Variants in ARPC1A observed in about 807,000 individuals in gnomAD.
ARPC1A encodes actin-related protein 2/3 complex subunit 1A.
Under a neutral mutation model 46.9 loss-of-function variants are expected in ARPC1A, and 8 were observed. The observed-to-expected ratio is 0.17, with a 90% CI of 0.10 to 0.31. The LOEUF (loss-of-function observed/expected upper bound fraction) is 0.31, where lower values mean the gene tolerates loss of function less well. ARPC1A is among the 10% of genes least tolerant of loss of function. ARPC1A has a pLI of 1.00. For synonymous variants in ARPC1A, 152 were observed against 169.0 expected, an observed-to-expected ratio of 0.90 and a Z score of 0.78; for missense variants, 286 against 483.6, an observed-to-expected ratio of 0.59 and a Z score of 3.83.
chr7:99,356,256 T>C (rs1211475879), intron 6 of ARPC1A, among the ~76,000 whole-genome samples: 1 of 152,240 alleles, frequency 6.6e-6, no homozygotes, highest in Admixed American at 6.5e-5. Context: ...TGATATGTTT[T>C]TCCTAACAGG....
At chr7:99,331,026 C>A (rs1284012199) in intron 1 of ARPC1A, among the ~76,000 whole-genome samples, 1 of 152,222 alleles carries the variant, frequency 6.6e-6, no homozygotes, top group Non-Finnish European at 1.5e-5. Flanking sequence ...AGTATTATCA[C>A]AAACGCCTAC....
chr7:99,350,038 A>T (rs1793522612), intron 5 of ARPC1A, among the ~76,000 whole-genome samples: 1 of 152,148 alleles, frequency 6.6e-6, no homozygotes. Context: ...AAAACAAAAA[A>T]ATGGAAGCAG....
In ARPC1A at chr7:99,333,448, T is replaced by A. The variant is rs1260855604; in HGVS notation, c.64+31T>A. On this transcript the variant is annotated intron_variant, in intron 2 of 9. Transcript: ENST00000262942. ...TATTTTATTAACTTTGCTTTTGTAT[T>A]TTGGTACCTTTGGTACATTTCATCT... The A allele has an allele frequency of 2.6e-6, 4 of 1,567,432 alleles. No individual in the cohort carries two copies. The South Asian group carries it at 4.5e-5, about 18-fold the overall frequency.
intron 1 of ARPC1A, 142 bp from the exon 2 acceptor site, chr7:99,333,183 C>T (rs569076403): frequency 1.8e-4 from 110 of 621,550 alleles, no homozygotes; most frequent in African/African-American, 1.6e-3. Context: ...GCGTGAGCCA[C>T]CGTGCCTGGC....
intron 3 of ARPC1A, chr7:99,339,737 A>C (rs1170176008): frequency 3.9e-6 from 1 of 256,822 alleles, no homozygotes; most frequent in African/African-American, 2.2e-5. Flanking sequence ...TCCTTCCTCC[A>C]CTGAAGAACA....
chr7:99,365,758 G>C (rs1239485148), intron 9 of ARPC1A, 133 bp from the exon 10 acceptor site: 5 of 944,266 alleles, frequency 5.3e-6, no homozygotes, highest in Non-Finnish European at 8.0e-6. Flanking sequence ...GGGAGATCCT[G>C]TTTCAGGTGG....
intron 3 of ARPC1A, 146 bp from the exon 4 acceptor site, chr7:99,344,147 C>G: frequency 1.5e-6 from 1 of 686,782 alleles, no homozygotes; most frequent in Non-Finnish European, 2.5e-6. Context: ...AGGCGGTGAT[C>G]AGGACATAGA....
chr7:99,348,788 AT>A, intron 4 of ARPC1A, 63 bp from the exon 5 acceptor site: 1 of 1,331,152 alleles, frequency 7.5e-7, no homozygotes. Flanking sequence ...CCTGACATAC[AT>A]TTGTAGGTCA....
intron 8 of ARPC1A, among the ~76,000 whole-genome samples, chr7:99,361,700 C>T (rs1386131263): frequency 6.6e-6 from 1 of 152,154 alleles, no homozygotes. Flanking sequence ...ATGAAAAGAA[C>T]AAACCCTTGC....
chr7:99,344,258 C>G, intron 3 of ARPC1A, 35 bp from the exon 4 acceptor site: 2 of 1,603,458 alleles, frequency 1.2e-6, no homozygotes, highest in South Asian at 2.2e-5. Flanking sequence ...TTGTCATTGA[C>G]TGGGCAAAGC....
At chr7:99,363,953 AT>A (rs553977501) in intron 9 of ARPC1A, among the ~76,000 whole-genome samples, 7 of 150,820 alleles carry the variant, frequency 4.6e-5, no homozygotes, top group African/African-American at 7.3e-5. Flanking sequence ...GAAATCTCTC[AT>A]TTTTTTTTCT....
intron 5 of ARPC1A, among the ~76,000 whole-genome samples, chr7:99,349,851 A>T (rs932911440): frequency 6.6e-6 from 1 of 151,848 alleles, no homozygotes; most frequent in African/African-American, 2.4e-5. Flanking sequence ...AAATAAATAA[A>T]TAAATAAAAG....
At chr7:99,360,138 C>T (rs924447494) in intron 8 of ARPC1A, 2 of 211,548 alleles carry the variant, frequency 9.5e-6, no homozygotes, top group Non-Finnish European at 1.9e-5. Context: ...AGCGAAGTTA[C>T]AGCCTGTTGG....
chr7:99,331,862 T>C (rs1346137620), intron 1 of ARPC1A, among the ~76,000 whole-genome samples: 5 of 152,188 alleles, frequency 3.3e-5, no homozygotes, highest in Admixed American at 3.3e-4. Context: ...GAGGTTGCAG[T>C]GAGCTGAGAT....
chr7:99,357,387 C>T (rs1793654979), intron 6 of ARPC1A, among the ~76,000 whole-genome samples: 2 of 152,020 alleles, frequency 1.3e-5, no homozygotes, highest in Admixed American at 6.6e-5. Flanking sequence ...TAGAGAGACA[C>T]TCTCTGTCGC....
intron 5 of ARPC1A, 93 bp downstream of exon 5, chr7:99,349,052 T>C: frequency 1.5e-6 from 2 of 1,299,970 alleles, no homozygotes; most frequent in South Asian, 1.3e-5. Flanking sequence ...TTTTGTTTTG[T>C]TGTGGTTGTT....
intron 2 of ARPC1A, among the ~76,000 whole-genome samples, chr7:99,337,286 T>C (rs1793271833): frequency 6.6e-6 from 1 of 152,152 alleles, no homozygotes; most frequent in Non-Finnish European, 1.5e-5. Context: ...CTGGGCGTGG[T>C]GGCGCATGCC....
At chr7:99,360,442 C>T (rs954991977) in intron 8 of ARPC1A, among the ~76,000 whole-genome samples, 7 of 151,912 alleles carry the variant, frequency 4.6e-5, no homozygotes, top group African/African-American at 1.4e-4. Flanking sequence ...TCTCCTGCCT[C>T]AGCTTCCCAA....
Position 99,344,450 on chromosome 7 carries a change from C to A in ARPC1A, c.327C>A (p.Asn109Lys). Residue 109 changes from asparagine to lysine, a missense_variant, in exon 4 of 10, where the codon AAC (asparagine) becomes AAA (lysine). By Grantham distance (94) the Asn-to-Lys change is moderately conservative. This residue lies in a region of ARPC1A where 38 missense variants were observed against 95.8 expected (regional missense o/e 0.40). Coordinates refer to ENST00000262942, the MANE Select transcript of ARPC1A (RefSeq NM_006409.4). ...ATFVKWSPLE[N>K]KFAVGSGARL... is the part of the protein sequence containing the mutation. ...TTGTGAAGTGGTCCCCCCTAGAGAA[C>A]AAATTTGCTGTGGGAAGTGGAGCAC... is the stretch of plus-strand genomic sequence containing the variant. 1.2e-6 allele frequency: 2 copies of A among 1,613,950 alleles called. No individual in the cohort carries two copies. Among genetic ancestry groups the A allele is most frequent in the Non-Finnish European group, 1.7e-6 (2 of 1,179,854 alleles).
Sources: allele counts gnomAD v4.1 joint callset (sites outside exome capture counted in the v4.1 genomes callset), GRCh38; gene constraint gnomAD v4.1.1; regional missense constraint gnomAD v4.1.1; transcripts MANE v1.5; gene names NCBI Gene and HGNC (gene_info 2026-07-23, HGNC 2026-07-21).